CNTN5: variants seen among roughly 807,000 people sequenced by gnomAD.
The protein encoded by CNTN5 is contactin 5.
Under a neutral mutation model 129.1 loss-of-function variants are expected in CNTN5, and 77 were observed. The observed-to-expected ratio is 0.60, with a 90% CI of 0.50 to 0.72. The LOEUF (loss-of-function observed/expected upper bound fraction) is 0.72, where lower values mean the gene tolerates loss of function less well. Among genes scored for constraint, CNTN5 ranks in the 30% least tolerant of loss-of-function variants. The pLI is 0.00. For missense variants in CNTN5, 1,478 were observed against 1,328.8 expected (o/e 1.11, Z -1.75); for synonymous variants, 509 against 465.6 (o/e 1.09, Z -1.20).
chr11:100,213,380 G>T (rs910910095), intron 15 of CNTN5, among the ~76,000 whole-genome samples: 1 of 152,114 alleles, frequency 6.6e-6, no homozygotes. Context: ...AATCTACAGG[G>T]TCTCTTGTAA....
intron 2 of CNTN5, among the ~76,000 whole-genome samples, chr11:99,437,735 A>G (rs1943657041): frequency 2.0e-5 from 3 of 152,204 alleles, no homozygotes; most frequent in African/African-American, 7.2e-5. Flanking sequence ...AGACAGGAGA[A>G]TCGCCTGAAC....
intron 18 of CNTN5, among the ~76,000 whole-genome samples, chr11:100,271,751 C>T (rs1021480569): frequency 2.0e-5 from 3 of 152,160 alleles, no homozygotes; most frequent in Non-Finnish European, 4.4e-5. Flanking sequence ...AAAATAAATA[C>T]CAATCTGCTC....
intron 3 of CNTN5, among the ~76,000 whole-genome samples, chr11:99,748,752 C>T (rs1445066732): frequency 6.6e-6 from 1 of 152,174 alleles, no homozygotes; most frequent in African/African-American, 2.4e-5. Context: ...TGAGTTTGCC[C>T]TTTCTCTACT....
chr11:99,767,090 C>T (rs1042815500), intron 3 of CNTN5, among the ~76,000 whole-genome samples: 3 of 151,982 alleles, frequency 2.0e-5, no homozygotes, highest in Non-Finnish European at 4.4e-5. Flanking sequence ...TTATCTGTGC[C>T]GTGGGACAAA....
chr11:100,101,549 A>G (rs921363392), intron 13 of CNTN5, among the ~76,000 whole-genome samples: 1 of 151,962 alleles, frequency 6.6e-6, no homozygotes, highest in African/African-American at 2.4e-5. Flanking sequence ...CTTTACTCTA[A>G]ACTCCTAAGA....
chr11:99,736,225 A>C (rs1239478744), intron 3 of CNTN5, among the ~76,000 whole-genome samples: 1 of 152,198 alleles, frequency 6.6e-6, no homozygotes, highest in African/African-American at 2.4e-5. Flanking sequence ...TGCACCTATG[A>C]ACAGTGTAAC....
intron 13 of CNTN5, among the ~76,000 whole-genome samples, chr11:100,147,268 G>T (rs549531690): frequency 1.3e-5 from 2 of 152,024 alleles, no homozygotes; most frequent in African/African-American, 2.4e-5. Flanking sequence ...TGAATTTCAC[G>T]CATTCATAGG....
At chr11:99,301,967 C>T (rs1864662789) in intron 1 of CNTN5, among the ~76,000 whole-genome samples, 1 of 151,234 alleles carries the variant, frequency 6.6e-6, no homozygotes, top group African/African-American at 2.4e-5. Flanking sequence ...AAACACACTA[C>T]TAAAAAAACC....
At chr11:99,254,459 T>C (rs1369390980) in intron 1 of CNTN5, among the ~76,000 whole-genome samples, 2 of 151,930 alleles carry the variant, frequency 1.3e-5, no homozygotes, top group African/African-American at 4.8e-5. Context: ...GAAAATTAAA[T>C]CATGAGGAAA....
chr11:99,798,484 A>G (rs1249415015), intron 3 of CNTN5, among the ~76,000 whole-genome samples: 1 of 152,138 alleles, frequency 6.6e-6, no homozygotes, highest in Non-Finnish European at 1.5e-5. Flanking sequence ...TTCTGCGTAC[A>G]GTTAGACAGC....
At chr11:99,522,535 G>T (rs1947309877) in intron 2 of CNTN5, among the ~76,000 whole-genome samples, 1 of 152,158 alleles carries the variant, frequency 6.6e-6, no homozygotes, top group South Asian at 2.1e-4. Context: ...GGAATAAAAA[G>T]ATACTTCTTG....
intron 3 of CNTN5, among the ~76,000 whole-genome samples, chr11:99,638,283 T>C (rs1466783549): frequency 6.6e-6 from 1 of 152,104 alleles, no homozygotes; most frequent in Non-Finnish European, 1.5e-5. Flanking sequence ...CCATGATTCA[T>C]TTGACCTCCC....
chr11:99,440,587 C>T (rs1172072812), intron 2 of CNTN5, among the ~76,000 whole-genome samples: 3 of 152,140 alleles, frequency 2.0e-5, no homozygotes, highest in Non-Finnish European at 4.4e-5. Flanking sequence ...AAAACCTACA[C>T]AAGATTGTTG....
intron 1 of CNTN5, among the ~76,000 whole-genome samples, chr11:99,155,169 A>G (rs117621980): frequency 0.048 from 7,255 of 152,172 alleles, 199 homozygotes; most frequent in Middle Eastern, 0.065. Context: ...GGTGCTTGGT[A>G]GCCTTGTGCA....
At chr11:99,255,567 G>A (rs1862336306) in intron 1 of CNTN5, among the ~76,000 whole-genome samples, 1 of 151,290 alleles carries the variant, frequency 6.6e-6, no homozygotes. Context: ...TTTACCATAT[G>A]AATTTAAAAA....
chr11:99,097,117 A>G (rs1359143852), intron 1 of CNTN5, among the ~76,000 whole-genome samples: 1 of 151,964 alleles, frequency 6.6e-6, no homozygotes, highest in African/African-American at 2.4e-5. Flanking sequence ...TATAATCCAA[A>G]TAATTGGAGT....
chr11:99,063,525 T>C lies in CNTN5; in HGVS notation c.-210+42255T>C, dbSNP rs945613424. 1.5e-4 allele frequency among the ~76,000 whole-genome samples: 20 copies of C among 130,602 alleles called. No individual in the cohort carries two copies. The East Asian group carries it at 3.9e-3, about 26-fold the overall frequency. The allele number at this position is 130,602 out of a possible 152,430, so 85.7% of individuals were successfully genotyped here. A position where few individuals can be genotyped will look rare whatever the true frequency, so the allele number is the denominator to read the frequency against. ...GAAAACTCATAAATAAATAAATAAA[T>C]AAATAAATAAATAAATAAATAAATA... On this transcript the variant is annotated intron_variant, in intron 1 of 24. Transcript: ENST00000524871.
intron 1 of CNTN5, among the ~76,000 whole-genome samples, chr11:99,319,332 A>G (rs1446915805): frequency 2.0e-5 from 3 of 152,206 alleles, no homozygotes; most frequent in African/African-American, 4.8e-5. Flanking sequence ...CCTGGTCACA[A>G]TGATAGTCGC....
chr11:100,079,353 A>G (rs1944270666), intron 13 of CNTN5, among the ~76,000 whole-genome samples: 1 of 152,168 alleles, frequency 6.6e-6, no homozygotes, highest in Admixed American at 6.5e-5. Context: ...ATTTGTTTCC[A>G]AGGACTAAAG....
Sources: gnomAD v4.1 joint callset for allele counts (sites outside exome capture counted in the v4.1 genomes callset) on GRCh38, gnomAD v4.1.1 for gene constraint, MANE v1.5 for transcripts, NCBI Gene and HGNC (gene_info 2026-07-23, HGNC 2026-07-21) for gene names.